OR4D9: variants seen among roughly 807,000 people sequenced by gnomAD.
OR4D9 encodes the protein olfactory receptor family 4 subfamily D member 9, also known as olfactory receptor 4D9.
In OR4D9, 2 loss-of-function variants were observed where a neutral mutation model predicts 0.8. That is an observed-to-expected ratio of 2.58 (90% CI 1.06 to 8.13). OR4D9 has a LOEUF of 8.13. Ranked by LOEUF, OR4D9 falls within the 30% of genes most tolerant of loss-of-function variation. The pLI is 0.04. For synonymous variants in OR4D9, 146 were observed against 151.2 expected (o/e 0.97, Z 0.25); for missense variants, 399 against 384.7 (o/e 1.04, Z -0.31).
At chr11:59,513,845 C>T (rs1590636546) in intron 1 of OR4D9, among the ~76,000 whole-genome samples, 1 of 152,000 alleles carries the variant, frequency 6.6e-6, no homozygotes, top group East Asian at 1.9e-4. Flanking sequence ...TGACAGGCAC[C>T]TGTAAGTCCC....
intron 1 of OR4D9, 115 bp downstream of exon 1, chr11:59,511,861 G>A (rs1039343272): frequency 6.6e-6 from 1 of 152,216 alleles, no homozygotes; most frequent in African/African-American, 2.4e-5. Flanking sequence ...ATTTATTAAA[G>A]GTAGTTGAGA....
intron 1 of OR4D9, among the ~76,000 whole-genome samples, chr11:59,514,128 T>C (rs984635902): frequency 5.3e-5 from 8 of 152,236 alleles, no homozygotes; most frequent in African/African-American, 1.7e-4. Context: ...TCATCATACA[T>C]GTAGATATAT....
In OR4D9 at chr11:59,518,273, A is replaced by G. The variant is rs1478942357; in HGVS notation, c.*2416A>G. On this transcript the variant is annotated 3_prime_UTR_variant, in exon 3 of 3. Transcript: ENST00000641962. ...TCAGAGTAGGCCAACCACTGCAACA[A>G]AAATGTCCACGGTCTAAGTAGTTAG... 1 of 152,286 alleles carries G rather than the reference A, an allele frequency of 6.6e-6. No individual in the cohort carries two copies. Among genetic ancestry groups the G allele is most frequent in the African/African-American group, 2.4e-5 (1 of 41,466 alleles). The allele number at this position is 152,286 out of a possible 1,614,324, so 9.4% of individuals were successfully genotyped here. A position where few individuals can be genotyped will look rare whatever the true frequency, so the allele number is the denominator to read the frequency against.
intron 1 of OR4D9, among the ~76,000 whole-genome samples, chr11:59,513,452 T>C (rs977839943): frequency 6.6e-6 from 1 of 152,206 alleles, no homozygotes; most frequent in Non-Finnish European, 1.5e-5. Flanking sequence ...ATGAATAAAA[T>C]GGAAGAGTGC....
intron 1 of OR4D9, among the ~76,000 whole-genome samples, chr11:59,512,300 C>CTTT (rs71036528): frequency 8.0e-6 from 1 of 125,500 alleles, no homozygotes; most frequent in Non-Finnish European, 1.6e-5. Flanking sequence ...TTTCTTTTTT[C>CTTT]TTTTTTTTTT....
chr11:59,512,599 G>C (rs769122555), intron 1 of OR4D9, among the ~76,000 whole-genome samples: 1 of 151,744 alleles, frequency 6.6e-6, no homozygotes, highest in African/African-American at 2.4e-5. Context: ...CCAGGCAGGT[G>C]GTTCACTTGA....
Position 59,516,057 on chromosome 11 carries a change from A to C in OR4D9, c.*200A>C. ...AATCCACTCAAGTCTTTCCCTACTC[A>C]CTTTCAATTATTCATTCCACAAATT... On this transcript the variant is annotated 3_prime_UTR_variant, in exon 3 of 3. Coordinates refer to ENST00000641962, the MANE Select transcript of OR4D9 (RefSeq NM_001004711.2). 1 of 535,430 alleles carries C rather than the reference A, an allele frequency of 1.9e-6. No individual in the cohort carries two copies. The highest frequency in any genetic ancestry group is 1.9e-5 in the African/African-American group (1 of 52,980). The allele number at this position is 535,430 out of a possible 1,614,324, so 33.2% of individuals were successfully genotyped here.
intron 1 of OR4D9, among the ~76,000 whole-genome samples, chr11:59,512,284 AT>A (rs975684239): frequency 2.7e-5 from 4 of 145,744 alleles, no homozygotes; most frequent in Non-Finnish European, 6.0e-5. Flanking sequence ...CTTTGGGATG[AT>A]TTTTTTTCTT....
Position 59,515,421 on chromosome 11 carries a change from G to A in OR4D9, c.509G>A (p.Gly170Glu), listed in dbSNP as rs1331386219. Residue 170 changes from glycine to glutamate, a missense_variant, in exon 3 of 3, where the codon GGA (glycine) becomes GAA (glutamate). Gly to Glu is a moderately conservative substitution (Grantham distance 98). Transcript: ENST00000641962. ...ISLLLPLPFC[G>E]PNVLDTFYCD... Reference sequence around the variant, plus strand: ...CTATTGCTCCCACTCCCTTTCTGTGGACCCAATGTTCTTGACACTTTCTAC... The same window carrying A: ...CTATTGCTCCCACTCCCTTTCTGTGAACCCAATGTTCTTGACACTTTCTAC... The A allele has an allele frequency of 6.2e-7, 1 of 1,613,836 alleles. No homozygotes were observed. The highest frequency in any genetic ancestry group is 1.7e-5 in the Admixed American group (1 of 59,982).
intron 1 of OR4D9, among the ~76,000 whole-genome samples, chr11:59,513,346 G>A (rs1325495412): frequency 6.6e-6 from 1 of 152,098 alleles, no homozygotes; most frequent in African/African-American, 2.4e-5. Flanking sequence ...ACCATGCCCG[G>A]CCAACTCAAT....
Position 59,514,752 on chromosome 11 carries a change from T to G in OR4D9, c.-45T>G. ...AATCTTTCATCCAGTGGTGGCATAC[T>G]GACTTGCAGACACAGTGAGTGCATA... On this transcript the variant is annotated 5_prime_UTR_variant, in exon 2 of 3. It removes the in-frame stop codon of an upstream open reading frame in the 5' UTR. Coordinates refer to ENST00000641962, the MANE Select transcript of OR4D9 (RefSeq NM_001004711.2). 1.8e-6 allele frequency: 1 copy of G among 565,640 alleles called. No individual in the cohort carries two copies. The highest frequency in any genetic ancestry group is 2.6e-5 in the South Asian group (1 of 39,006). 35.0% of individuals were successfully genotyped at this position (565,640 alleles called of 1,614,324 possible). A position where few individuals can be genotyped will look rare whatever the true frequency, so the allele number is the denominator to read the frequency against.
At chr11:59,513,081 A>G (rs923820076) in intron 1 of OR4D9, among the ~76,000 whole-genome samples, 1 of 147,910 alleles carries the variant, frequency 6.8e-6, no homozygotes, top group Non-Finnish European at 1.5e-5. Context: ...AGCTCAATGA[A>G]TTTTTTTTTT....
chr11:59,513,868 G>A, intron 1 of OR4D9, among the ~76,000 whole-genome samples: 1 of 152,156 alleles, frequency 6.6e-6, no homozygotes, highest in East Asian at 1.9e-4. Context: ...CAACTAGGGA[G>A]GCTGAAGTGG....
rs758702607 is a variant in OR4D9, at chr11:59,515,728, T to C, written c.816T>C (p.Ser272=). ...CCCTCCCCACAGACACTGCCATCTC[T>C]GTCACCTTCACTGTCATCTCCCCTT... ...FTALPTDTAI[S]VTFTVISPLL... Residue 272 remains serine (S), a synonymous_variant, in exon 3 of 3, where the codon TCT becomes TCC. Transcript: ENST00000641962. The C allele has an allele frequency of 6.8e-6, 11 of 1,614,174 alleles. No individual in the cohort carries two copies. The South Asian group carries it at 1.1e-4, about 16-fold the overall frequency.
chr11:59,517,504 G>A lies in OR4D9; in HGVS notation c.*1647G>A, dbSNP rs768127284. On this transcript the variant is annotated 3_prime_UTR_variant, in exon 3 of 3. Transcript: ENST00000641962. The stretch of plus-strand genomic sequence containing the variant: ...AGGACATAATTTCCTCCTAGGAGAA[G>A]GAAATAATGCTGTTAGTGAGAGTGT... 3.3e-5 allele frequency: 5 copies of A among 152,208 alleles called. No homozygotes were observed. The highest frequency in any genetic ancestry group is 4.8e-5 in the African/African-American group (2 of 41,452). 9.4% of individuals were successfully genotyped at this position (152,208 alleles called of 1,614,324 possible).
At position 59,515,257 on chromosome 11, in the gene OR4D9, C is replaced by G; in HGVS notation, c.345C>G (p.Leu115=). The part of the protein sequence containing the change: ...HLLGGADVFS[L]SVMAFDRYIA... Reference sequence around the variant, plus strand: ...TGGGGGGAGCAGACGTTTTTTCTCTCTCTGTGATGGCGTTTGACCGCTATA... The same window carrying G: ...TGGGGGGAGCAGACGTTTTTTCTCTGTCTGTGATGGCGTTTGACCGCTATA... Residue 115 remains leucine, a synonymous_variant, in exon 3 of 3, where the codon CTC becomes CTG. Transcript: ENST00000641962. The G allele has an allele frequency of 6.2e-7, 1 of 1,613,004 alleles. No homozygotes were observed. Among genetic ancestry groups the G allele is most frequent in the South Asian group, 1.1e-5 (1 of 90,936 alleles).
Position 59,511,634 on chromosome 11 carries a change from G to A in OR4D9, c.-237G>A, listed in dbSNP as rs1247327344. On this transcript the variant is annotated 5_prime_UTR_variant, in exon 1 of 3. The change creates a new upstream start codon in the 5' untranslated region. Coordinates refer to ENST00000641962, the MANE Select transcript of OR4D9 (RefSeq NM_001004711.2). ...AAGATTAAACCAGCAGTTAGTATTAGTGCCTATGAACTTCTGAAACTGAAA... is the reference window on the plus strand; with the variant it reads ...AAGATTAAACCAGCAGTTAGTATTAATGCCTATGAACTTCTGAAACTGAAA... 1.3e-5 allele frequency: 2 copies of A among 152,232 alleles called. No homozygotes were observed. Among genetic ancestry groups the A allele is most frequent in the East Asian group, 3.8e-4 (2 of 5,202 alleles). The allele number at this position is 152,232 out of a possible 1,614,324, so 9.4% of individuals were successfully genotyped here. A position where few individuals can be genotyped will look rare whatever the true frequency, so the allele number is the denominator to read the frequency against.
rs972095309 is a variant in OR4D9, at chr11:59,518,221, C to G, written c.*2364C>G. 2.0e-5 allele frequency: 3 copies of G among 152,248 alleles called. No homozygotes were observed. The highest frequency in any genetic ancestry group is 4.4e-5 in the Non-Finnish European group (3 of 68,064). The allele number at this position is 152,248 out of a possible 1,614,324, so 9.4% of individuals were successfully genotyped here. A position where few individuals can be genotyped will look rare whatever the true frequency, so the allele number is the denominator to read the frequency against. On this transcript the variant is annotated 3_prime_UTR_variant, in exon 3 of 3. Transcript: ENST00000641962. ...GTTCCCCACTATGATAAAGCTCAAGCCATAGCAGCTGGCACACATTTATCA... is the reference window on the plus strand; with the variant it reads ...GTTCCCCACTATGATAAAGCTCAAGGCATAGCAGCTGGCACACATTTATCA...
chr11:59,512,194 T>A (rs571849737), intron 1 of OR4D9, among the ~76,000 whole-genome samples: 11 of 152,162 alleles, frequency 7.2e-5, no homozygotes, highest in Admixed American at 6.5e-4. Context: ...CTCAATGGGA[T>A]GCTGGGGTAT....
Sources: gnomAD v4.1 joint callset for allele counts (sites outside exome capture counted in the v4.1 genomes callset) on GRCh38, gnomAD v4.1.1 for gene constraint, MANE v1.5 for transcripts, NCBI Gene and HGNC (gene_info 2026-07-23, HGNC 2026-07-21) for gene names.